Variants in SNX17 observed in about 807,000 individuals in gnomAD.
SNX17 encodes the protein sorting nexin 17.
A neutral mutation model predicts 64.3 loss-of-function variants in SNX17; 35 were observed. That is an observed-to-expected ratio of 0.54 (90% CI 0.42 to 0.72). The LOEUF is 0.72. Ranked by LOEUF, SNX17 falls within the 30% of genes least tolerant of loss-of-function variation. SNX17 has a pLI of 0.00. For missense variants in SNX17, 538 were observed against 610.0 expected (o/e 0.88, Z 1.24); for synonymous variants, 259 against 230.2 (o/e 1.13, Z -1.13).
intron 1 of SNX17, 39 bp from the exon 2 acceptor site, chr2:27,371,230 C>T (rs748190163): frequency 4.4e-6 from 7 of 1,586,628 alleles, no homozygotes; most frequent in Non-Finnish European, 5.2e-6. Context: ...GTTGCGCAGA[C>T]CGCAACCCTA....
At chr2:27,372,963 A>C in intron 3 of SNX17, 3 of 1,374,758 alleles carry the variant, frequency 2.2e-6, no homozygotes, top group Non-Finnish European at 3.0e-6. Context: ...CTAGTATAAC[A>C]CTAGTCTTAA....
At chr2:27,370,990 C>T (rs1161848578) in intron 1 of SNX17, among the ~76,000 whole-genome samples, 184 bp downstream of exon 1, 1 of 152,208 alleles carries the variant, frequency 6.6e-6, no homozygotes, top group Middle Eastern at 3.2e-3. Flanking sequence ...GCCCGAGCTC[C>T]TGTAGGCCCT....
At chr2:27,371,437 G>GGCT in intron 2 of SNX17, 94 bp downstream of exon 2, 1 of 1,489,252 alleles carries the variant, frequency 6.7e-7, no homozygotes, top group South Asian at 1.3e-5. Flanking sequence ...TGTTCCCGTA[G>GGCT]GCTGTAGTTC....
intron 7 of SNX17, 101 bp downstream of exon 7, chr2:27,374,534 T>A: frequency 1.6e-6 from 2 of 1,285,970 alleles, no homozygotes; most frequent in East Asian, 4.6e-5. Context: ...GGGGGTGTAG[T>A]GCTGGGTGTT....
At chr2:27,371,573 C>G in intron 2 of SNX17, 3 of 853,468 alleles carry the variant, frequency 3.5e-6, no homozygotes, top group East Asian at 7.4e-5. Flanking sequence ...GGTTTTCTGT[C>G]CAGTCTTACT....
rs567067163 is a variant in SNX17 at position 27,372,714 on chromosome 2, A to G, written c.230A>G (p.Glu77Gly). Reference sequence around the variant, plus strand: ...CCTGCTGAGGTAGAACAGAGGAGAGAGCAGTTAGAGAAGTACATGCAAGCT... The same window carrying G: ...CCTGCTGAGGTAGAACAGAGGAGAGGGCAGTTAGAGAAGTACATGCAAGCT... ...LTPAEVEQRREQLEKYMQAVR... is the reference protein window; with the variant it reads ...LTPAEVEQRRGQLEKYMQAVR... The change falls in exon 3 of 15, where the codon GAG (glutamate) becomes GGG (glycine). Residue 77 changes from glutamate to glycine, a missense_variant. Physicochemically the swap from Glu to Gly is moderately conservative, Grantham distance 98. Coordinates refer to ENST00000233575, the MANE Select transcript of SNX17 (RefSeq NM_014748.4). 2 of 1,614,180 alleles carry G rather than the reference A, an allele frequency of 1.2e-6. No homozygotes were observed. The highest frequency in any genetic ancestry group is 1.3e-5 in the African/African-American group (1 of 75,052).
Position 27,376,662 on chromosome 2 carries a change from TG to T in SNX17, c.1357del (p.Ala453ProfsTer45). On this transcript the variant is annotated frameshift_variant, in exon 15 of 15. Transcript: ENST00000233575. LOFTEE classifies it high-confidence loss of function. ...TTGGCAGTCCCAGCACAGATGCCAG[TG>T]CCAGTGATGTCCACGGCAATTTCGC... Reference protein sequence around the residue: ...GIGSPSTDASASDVHGNFAFE... With the variant: ...GIGSPSTDASXSDVHGNFAFE... 6.2e-7 allele frequency: 1 copy of T among 1,614,182 alleles called. No individual in the cohort carries two copies. The highest frequency in any genetic ancestry group is 8.5e-7 in the Non-Finnish European group (1 of 1,180,010).
Position 27,375,144 on chromosome 2 carries a change from C to T in SNX17, c.765C>T (p.Ser255=), listed in dbSNP as rs1168053448. The part of the protein sequence containing the change: ...RQLKSLQEKV[S]KKEFLRLAQT... ...TCAAATCTCTGCAAGAGAAAGTCTC[C>T]AAGAAGGAGGTGAGCCCTGCCTCCT... The change falls in exon 9 of 15, where the codon TCC becomes TCT. Residue 255 remains serine (S), a synonymous_variant. Transcript: ENST00000233575. This position sits in a 1 kb window ranked among gnomAD's most constrained non-coding sequence, Gnocchi z 4.1. 4 of 1,614,064 alleles carry T rather than the reference C, an allele frequency of 2.5e-6. No homozygotes were observed. Among genetic ancestry groups the T allele is most frequent in the Admixed American group, 1.7e-5 (1 of 60,008 alleles).
At chr2:27,374,519 G>C in intron 7 of SNX17, 86 bp downstream of exon 7, 1 of 1,357,560 alleles carries the variant, frequency 7.4e-7, no homozygotes, top group South Asian at 1.2e-5. Flanking sequence ...GAATAATCTG[G>C]ACAAGGGGGT....
chr2:27,372,465 C>A (rs1264986256), intron 2 of SNX17, 158 bp from the exon 3 acceptor site: 2 of 445,582 alleles, frequency 4.5e-6, no homozygotes, highest in African/African-American at 4.3e-5. Flanking sequence ...GAGGTGCTAC[C>A]GCTGTCAAAG....
In SNX17 at chr2:27,370,723, C is replaced by T; in HGVS notation, c.-21C>T. Reference sequence around the variant, plus strand: ...GCGGCCCTCACAGTCCGGAGCCCGGCCGTGCCGTGCCGTAGGGAACATGCA... The same window carrying T: ...GCGGCCCTCACAGTCCGGAGCCCGGTCGTGCCGTGCCGTAGGGAACATGCA... On this transcript the variant is annotated 5_prime_UTR_variant, in exon 1 of 15. Coordinates refer to ENST00000233575, the MANE Select transcript of SNX17 (RefSeq NM_014748.4). The T allele has an allele frequency of 6.5e-7, 1 of 1,542,850 alleles. No individual in the cohort carries two copies. The highest frequency in any genetic ancestry group is 8.8e-7 in the Non-Finnish European group (1 of 1,142,102).
At position 27,376,323 on chromosome 2, in the gene SNX17, G is replaced by A. The variant is rs202198419; in HGVS notation, c.1193G>A (p.Arg398Gln). Reference protein sequence around the residue: ...SGGSIRKMLRRRVGGTLRRSD... With the variant: ...SGGSIRKMLRQRVGGTLRRSD... ...TGTGTCTGTCCCCAGATGCTGCGCC[G>A]GCGGGTGGGGGGTACTCTGAGACGC... The change falls in exon 13 of 15, where the codon CGG (arginine) becomes CAG (glutamine). Residue 398 changes from arginine to glutamine, a missense_variant. By Grantham distance (43) the Arg-to-Gln change is conservative. Around this residue, in one of 3 missense-constraint regions of SNX17, gnomAD observed 505 missense variants for 550.4 expected, o/e 0.92. Coordinates refer to ENST00000233575, the MANE Select transcript of SNX17 (RefSeq NM_014748.4). 9.9e-6 allele frequency: 16 copies of A among 1,611,530 alleles called. No homozygotes were observed. The highest frequency in any genetic ancestry group is 4.5e-5 in the East Asian group (2 of 44,836).
chr2:27,377,352 G>T lies in SNX17; in HGVS notation c.*633G>T. 1 of 715,822 alleles carries T rather than the reference G, an allele frequency of 1.4e-6. No individual in the cohort carries two copies. Among genetic ancestry groups the T allele is most frequent in the South Asian group, 1.5e-5 (1 of 67,026 alleles). The allele number at this position is 715,822 out of a possible 1,614,324, so 44.3% of individuals were successfully genotyped here. A position where few individuals can be genotyped will look rare whatever the true frequency, so the allele number is the denominator to read the frequency against. ...CCTGGGGGCAGTGGAGGTGAATACAGGGCCCTTCTCACTGAGCTCGTGAAG... is the reference window on the plus strand; with the variant it reads ...CCTGGGGGCAGTGGAGGTGAATACATGGCCCTTCTCACTGAGCTCGTGAAG... On this transcript the variant is annotated 3_prime_UTR_variant, in exon 15 of 15. Coordinates refer to ENST00000233575, the MANE Select transcript of SNX17 (RefSeq NM_014748.4). This position sits in a 1 kb window ranked among gnomAD's most constrained non-coding sequence, Gnocchi z 4.4.
Position 27,370,645 on chromosome 2 carries a change from A to T in SNX17, c.-99A>T. Reference sequence around the variant, plus strand: ...GGATCGCAGGGCTCCCAAAATGGCGAGTGAGGCTGCGGGGACTCGCTGAGC... The same window carrying T: ...GGATCGCAGGGCTCCCAAAATGGCGTGTGAGGCTGCGGGGACTCGCTGAGC... On this transcript the variant is annotated 5_prime_UTR_variant, in exon 1 of 15. Transcript: ENST00000233575. 1 of 1,462,706 alleles carries T rather than the reference A, an allele frequency of 6.8e-7. No individual in the cohort carries two copies. Among genetic ancestry groups the T allele is most frequent in the Non-Finnish European group, 9.0e-7 (1 of 1,105,130 alleles). 90.6% of individuals were successfully genotyped at this position (1,462,706 alleles called of 1,614,324 possible).
chr2:27,370,729 C>T lies in SNX17; in HGVS notation c.-15C>T, dbSNP rs1682387729. 6.5e-7 allele frequency: 1 copy of T among 1,545,854 alleles called. No individual in the cohort carries two copies. The highest frequency in any genetic ancestry group is 8.7e-7 in the Non-Finnish European group (1 of 1,144,132). The stretch of plus-strand genomic sequence containing the variant: ...CTCACAGTCCGGAGCCCGGCCGTGC[C>T]GTGCCGTAGGGAACATGCACTTTTC... On this transcript the variant is annotated 5_prime_UTR_variant, in exon 1 of 15. Coordinates refer to ENST00000233575, the MANE Select transcript of SNX17 (RefSeq NM_014748.4).
At position 27,374,411 on chromosome 2, in the gene SNX17, T is replaced by C. The variant is rs1682956925; in HGVS notation, c.589T>C (p.Tyr197His). Reference protein sequence around the residue: ...VSVTSLRSQEYKIVLRKSYWD... With the variant: ...VSVTSLRSQEHKIVLRKSYWD... ...TGTCACCAGCCTTCGGAGTCAAGAGTATAAGATTGTGCTAAGGAAGAGGTC... is the reference window on the plus strand; with the variant it reads ...TGTCACCAGCCTTCGGAGTCAAGAGCATAAGATTGTGCTAAGGAAGAGGTC... Residue 197 changes from tyrosine to histidine, a missense_variant, in exon 7 of 15, where the codon TAT (tyrosine) becomes CAT (histidine). Tyr to His is a moderately conservative substitution (Grantham distance 83). Around this residue, in one of 3 missense-constraint regions of SNX17, gnomAD observed 505 missense variants for 550.4 expected, o/e 0.92. Transcript: ENST00000233575. 6.2e-7 allele frequency: 1 copy of C among 1,612,774 alleles called. No individual in the cohort carries two copies. Among genetic ancestry groups the C allele is most frequent in the Admixed American group, 1.7e-5 (1 of 59,822 alleles).
At position 27,375,428 on chromosome 2, in the gene SNX17, G is replaced by A. The variant is rs879337059; in HGVS notation, c.775-78G>A. ...GCTGGGATTATAGGCATGAGCCACC[G>A]CGCCCGACCGGGGTTGCTTTTTCTG... On this transcript the variant is annotated intron_variant, in intron 9 of 14. Transcript: ENST00000233575. This position sits in a 1 kb window ranked among gnomAD's most constrained non-coding sequence, Gnocchi z 4.1. 63 of 1,506,894 alleles carry A rather than the reference G, an allele frequency of 4.2e-5. No individual in the cohort carries two copies. Among genetic ancestry groups the A allele is most frequent in the Admixed American group, 2.5e-4 (15 of 59,366 alleles). The allele number at this position is 1,506,894 out of a possible 1,614,324, so 93.3% of individuals were successfully genotyped here.
Position 27,370,786 on chromosome 2 carries a change from A to T in SNX17, c.43A>T (p.Ser15Cys). ...CGAAACCGAGTCCCGCAGCGGGGAC[A>T]GCGGCGGCTCCGCCTACGTGGTGAG... ...IPETESRSGD[S>C]GGSAYVAYNI... Residue 15 changes from serine (S) to cysteine (C), a missense_variant, in exon 1 of 15, where the codon AGC becomes TGC. Ser to Cys is a moderately radical substitution (Grantham distance 112, BLOSUM62 -1). Around this residue, in one of 3 missense-constraint regions of SNX17, gnomAD observed 27 missense variants for 38.2 expected, o/e 0.71. Transcript: ENST00000233575. 6.5e-7 allele frequency: 1 copy of T among 1,546,268 alleles called. No homozygotes were observed. The highest frequency in any genetic ancestry group is 8.7e-7 in the Non-Finnish European group (1 of 1,146,460).
intron 12 of SNX17, 24 bp downstream of exon 12, chr2:27,376,207 C>A (rs1216452709): frequency 6.2e-7 from 1 of 1,613,572 alleles, no homozygotes; most frequent in East Asian, 2.2e-5. Flanking sequence ...GTGGACTGAG[C>A]AGTGAGCAGG....
Sources: gnomAD v4.1 joint callset for allele counts (sites outside exome capture counted in the v4.1 genomes callset) on GRCh38, gnomAD v4.1.1 for gene constraint, gnomAD v4.1.1 regional missense constraint, Gnocchi (gnomAD v3.1) non-coding constraint, MANE v1.5 for transcripts, NCBI Gene and HGNC (gene_info 2026-07-23, HGNC 2026-07-21) for gene names.